SGCD: variants seen among roughly 807,000 people sequenced by gnomAD.
SGCD encodes delta-sarcoglycan.
SGCD carries 18 observed loss-of-function variants against 36.6 expected under a neutral mutation model. That is an observed-to-expected ratio of 0.49 (90% CI 0.34 to 0.73). SGCD has a LOEUF of 0.73. Among genes scored for constraint, SGCD ranks in the 30% least tolerant of loss-of-function variants. SGCD has a pLI of 0.01. For synonymous variants in SGCD, 133 were observed against 130.6 expected (o/e 1.02, Z -0.12); for missense variants, 387 against 346.7 (o/e 1.12, Z -0.92).
intron 1 of SGCD, among the ~76,000 whole-genome samples, chr5:155,887,618 T>C (rs1756035712): frequency 6.6e-6 from 1 of 152,160 alleles, no homozygotes; most frequent in African/African-American, 2.4e-5. Context: ...AATAATAACA[T>C]CTGGGATTCT....
chr5:156,400,797 T>C (rs1561671416), intron 3 of SGCD, among the ~76,000 whole-genome samples: 1 of 152,184 alleles, frequency 6.6e-6, no homozygotes, highest in Non-Finnish European at 1.5e-5. Flanking sequence ...TTTGCTAAAT[T>C]CCAAATATTT....
At chr5:156,385,808 A>G (rs992042959) in intron 3 of SGCD, among the ~76,000 whole-genome samples, 3 of 152,176 alleles carry the variant, frequency 2.0e-5, no homozygotes, top group African/African-American at 7.2e-5. Context: ...AATATTACCG[A>G]CATTCCCATT....
chr5:156,444,064 TTCTCTCTCTCTCTCTCTCTC>T (rs535098783), intron 3 of SGCD, among the ~76,000 whole-genome samples: 12 of 34,498 alleles, frequency 3.5e-4, no homozygotes, highest in South Asian at 1.3e-3. Flanking sequence ...CTTTCTCTCC[TTCTCTCTCTCTCTCTCTCTC>T]TCTCTCTCTC....
intron 5 of SGCD, among the ~76,000 whole-genome samples, chr5:156,589,608 A>T (rs757770800): frequency 1.3e-5 from 2 of 152,198 alleles, no homozygotes; most frequent in African/African-American, 4.8e-5. Context: ...CTGCTTCATC[A>T]GGTGCTCAGC....
intron 3 of SGCD, among the ~76,000 whole-genome samples, chr5:156,368,260 T>G (rs896113214): frequency 6.6e-6 from 1 of 151,998 alleles, no homozygotes; most frequent in Non-Finnish European, 1.5e-5. Context: ...CCAGCTAATT[T>G]TTTTGTATTT....
chr5:155,915,417 C>G (rs1165153810), intron 1 of SGCD, among the ~76,000 whole-genome samples: 1 of 152,048 alleles, frequency 6.6e-6, no homozygotes, highest in East Asian at 1.9e-4. Flanking sequence ...AATGATAAAA[C>G]TGAAAGATGG....
At chr5:155,916,868 G>A (rs1332111705) in intron 1 of SGCD, among the ~76,000 whole-genome samples, 2 of 152,168 alleles carry the variant, frequency 1.3e-5, no homozygotes, top group African/African-American at 4.8e-5. Flanking sequence ...GGAGTGCTAT[G>A]TGCATTCCAG....
At chr5:156,336,026 A>C (rs766277228) in intron 2 of SGCD, among the ~76,000 whole-genome samples, 2 of 152,198 alleles carry the variant, frequency 1.3e-5, no homozygotes, top group African/African-American at 2.4e-5. Context: ...TAGGTTCTGC[A>C]GTGGTTACTG....
rs181022997 is a variant in SGCD at position 156,061,153 on chromosome 5, C to T, written c.-281-56725C>T. ...TATTAATGAGTCTATAAGATTTTAACCCCTGTAAAAATTGCAACTATTTTT... is the reference window on the plus strand; with the variant it reads ...TATTAATGAGTCTATAAGATTTTAATCCCTGTAAAAATTGCAACTATTTTT... On this transcript the variant is annotated intron_variant, in intron 1 of 9. Transcript: ENST00000517913. Among the ~76,000 whole-genome samples the T allele has an allele frequency of 2.1e-5, 3 of 144,026 alleles. 1 individual carries two copies. Among genetic ancestry groups the T allele is most frequent in the African/African-American group, 7.7e-5 (3 of 39,180 alleles). The allele number at this position is 144,026 out of a possible 152,430, so 94.5% of individuals were successfully genotyped here.
chr5:156,025,138 A>G (rs1477694604), intron 1 of SGCD, among the ~76,000 whole-genome samples: 1 of 152,110 alleles, frequency 6.6e-6, no homozygotes, highest in Non-Finnish European at 1.5e-5. Context: ...TTCCAGAGCA[A>G]CTGGTTTCCG....
At chr5:156,268,726 G>T (rs1259268997) in intron 3 of SGCD, among the ~76,000 whole-genome samples, 1 of 152,124 alleles carries the variant, frequency 6.6e-6, no homozygotes, top group Non-Finnish European at 1.5e-5. Flanking sequence ...CTGAGTAGCT[G>T]GGATTAGAGG....
chr5:155,780,154 T>C, the SGCD span, among the ~76,000 whole-genome samples: 2 of 152,130 alleles, frequency 1.3e-5, no homozygotes, highest in Non-Finnish European at 2.9e-5. Flanking sequence ...TTCTGGATTA[T>C]CTGTTTCTCC....
intron 5 of SGCD, among the ~76,000 whole-genome samples, chr5:156,589,720 G>T (rs1760647059): frequency 6.6e-6 from 1 of 152,122 alleles, no homozygotes; most frequent in Non-Finnish European, 1.5e-5. Context: ...CATACTTTAT[G>T]GGCTGTGAAA....
intron 1 of SGCD, among the ~76,000 whole-genome samples, chr5:155,879,838 A>T (rs1755844484): frequency 6.6e-6 from 1 of 152,150 alleles, no homozygotes; most frequent in African/African-American, 2.4e-5. Context: ...GAGGCATGAA[A>T]ATGGAACTTG....
At chr5:155,922,650 T>C (rs111819004) in intron 1 of SGCD, among the ~76,000 whole-genome samples, 13 of 151,928 alleles carry the variant, frequency 8.6e-5, no homozygotes, top group African/African-American at 3.1e-4. Context: ...TGAGAGAGAG[T>C]TTCTGTGTGT....
At chr5:156,398,094 G>A (rs181563612) in intron 3 of SGCD, among the ~76,000 whole-genome samples, 5 of 152,196 alleles carry the variant, frequency 3.3e-5, no homozygotes, top group African/African-American at 1.2e-4. Flanking sequence ...TCCCTCATTG[G>A]TTATTCTTTC....
At chr5:156,653,198 A>G (rs1763528095) in intron 7 of SGCD, among the ~76,000 whole-genome samples, 1 of 152,106 alleles carries the variant, frequency 6.6e-6, no homozygotes, top group Non-Finnish European at 1.5e-5. Context: ...CATCTGGTAG[A>G]ATTTGGCTGT....
intron 1 of SGCD, among the ~76,000 whole-genome samples, chr5:155,876,791 C>A (rs2113286377): frequency 6.6e-6 from 1 of 152,188 alleles, no homozygotes; most frequent in South Asian, 2.1e-4. Flanking sequence ...TATTTTAAAG[C>A]ATTCTAGGTA....
chr5:156,329,304 A>G (rs923211654), intron 1 of SGCD, among the ~76,000 whole-genome samples: 2 of 152,218 alleles, frequency 1.3e-5, no homozygotes, highest in Non-Finnish European at 2.9e-5. Flanking sequence ...CAAAGCCACC[A>G]GGCACTGATT....
Sources: gnomAD v4.1 joint callset for allele counts (sites outside exome capture counted in the v4.1 genomes callset) on GRCh38, gnomAD v4.1.1 for gene constraint, MANE v1.5 for transcripts, NCBI Gene and HGNC (gene_info 2026-07-23, HGNC 2026-07-21) for gene names.